Variants in ADAMTSL1 observed in about 807,000 individuals in gnomAD.
ADAMTSL1 encodes the protein ADAMTS like 1.
A neutral mutation model predicts 201.8 loss-of-function variants in ADAMTSL1; 126 were observed. The ratio of observed to expected loss-of-function variants is 0.62; its 90% CI spans 0.54 to 0.72. ADAMTSL1 has a LOEUF of 0.72. Among genes scored for constraint, ADAMTSL1 ranks in the 30% least tolerant of loss-of-function variants. ADAMTSL1 has a pLI of 0.00. For missense variants in ADAMTSL1, 2,679 were observed against 2,277.8 expected (o/e 1.18, Z -3.59); for synonymous variants, 1,121 against 903.4 (o/e 1.24, Z -4.32).
intron 2 of ADAMTSL1, among the ~76,000 whole-genome samples, chr9:18,531,460 T>C (rs916174655): frequency 6.6e-6 from 1 of 152,332 alleles, no homozygotes; most frequent in Middle Eastern, 3.4e-3. Context: ...CACACATGTG[T>C]CTTTGTCATG....
intron 16 of ADAMTSL1, among the ~76,000 whole-genome samples, chr9:18,757,940 C>G (rs1819865474): frequency 6.6e-6 from 1 of 152,226 alleles, no homozygotes; most frequent in African/African-American, 2.4e-5. Flanking sequence ...GCATCACTTT[C>G]TCTGTGTTCA....
chr9:17,976,849 G>A (rs1369623842), intron 1 of ADAMTSL1, among the ~76,000 whole-genome samples: 5 of 151,400 alleles, frequency 3.3e-5, no homozygotes, highest in East Asian at 1.9e-4. Flanking sequence ...CTAGTTGCTC[G>A]GGCTATGACT....
At chr9:18,414,102 T>C (rs1287223106) in intron 2 of ADAMTSL1, among the ~76,000 whole-genome samples, 4 of 152,220 alleles carry the variant, frequency 2.6e-5, no homozygotes, top group African/African-American at 9.6e-5. Flanking sequence ...TTCTCTACAG[T>C]TGACTATTCA....
At chr9:18,422,592 G>A (rs1819008909) in intron 2 of ADAMTSL1, among the ~76,000 whole-genome samples, 1 of 152,104 alleles carries the variant, frequency 6.6e-6, no homozygotes, top group Admixed American at 6.6e-5. Context: ...GTGTGCCCCT[G>A]CATGCCTCCG....
chr9:18,532,999 A>G (rs1229838584), intron 2 of ADAMTSL1, among the ~76,000 whole-genome samples: 1 of 152,016 alleles, frequency 6.6e-6, no homozygotes. Context: ...TATGCACTAA[A>G]TACTTATTTT....
intron 21 of ADAMTSL1, among the ~76,000 whole-genome samples, chr9:18,819,343 C>G (rs958828442): frequency 2.6e-5 from 4 of 151,862 alleles, no homozygotes; most frequent in Admixed American, 6.6e-5. Context: ...GTAATCACAG[C>G]TACTCAGGAG....
At chr9:18,623,615 A>G (rs760304078) in intron 5 of ADAMTSL1, among the ~76,000 whole-genome samples, 2 of 152,218 alleles carry the variant, frequency 1.3e-5, no homozygotes, top group Non-Finnish European at 2.9e-5. Flanking sequence ...CATGGTACCT[A>G]CGCCAAAAAT....
At chr9:18,582,863 T>TAAATAAAATA (rs1554709597) in intron 4 of ADAMTSL1, among the ~76,000 whole-genome samples, 2 of 147,826 alleles carry the variant, frequency 1.4e-5, no homozygotes, top group African/African-American at 5.0e-5. Context: ...TAAAATAAAA[T>TAAATAAAATA]AAATAAAATA....
In ADAMTSL1 at chr9:18,206,392, G is replaced by A. The variant is rs1219560887; in HGVS notation, c.207+42411G>A. ...GTCTGCTGCTCCCAGGTCCTGCGTT[G>A]CCCTCTCCCTATCTCAAATTTCCTT... On this transcript the variant is annotated intron_variant, in intron 2 of 29. Transcript: ENST00000680146. 2.6e-5 allele frequency among the ~76,000 whole-genome samples: 4 copies of A among 152,200 alleles called. No individual in the cohort carries two copies. In the East Asian group the frequency reaches 7.8e-4, roughly 30 times the overall value.
At chr9:18,732,583 G>A (rs929798694) in intron 15 of ADAMTSL1, among the ~76,000 whole-genome samples, 1 of 152,292 alleles carries the variant, frequency 6.6e-6, no homozygotes, top group East Asian at 1.9e-4. Context: ...GCTGTGTCCC[G>A]ATGGCCAGAA....
intron 2 of ADAMTSL1, among the ~76,000 whole-genome samples, chr9:18,424,717 C>G (rs1417043081): frequency 2.0e-5 from 3 of 152,174 alleles, no homozygotes; most frequent in African/African-American, 7.2e-5. Flanking sequence ...CTGGTAGTTA[C>G]TTTCATGGAG....
intron 1 of ADAMTSL1, among the ~76,000 whole-genome samples, chr9:18,498,632 G>C (rs1053427131): frequency 1.3e-5 from 2 of 152,038 alleles, no homozygotes; most frequent in Non-Finnish European, 2.9e-5. Flanking sequence ...CCCGGCCAAT[G>C]TTCCCATTTT....
chr9:18,747,916 G>T (rs1414763269), intron 15 of ADAMTSL1, among the ~76,000 whole-genome samples: 1 of 152,176 alleles, frequency 6.6e-6, no homozygotes, highest in Admixed American at 6.5e-5. Context: ...TTAAAATCCA[G>T]TTAAAGTGAC....
chr9:18,884,792 C>A (rs536578186), intron 23 of ADAMTSL1, among the ~76,000 whole-genome samples: 1 of 152,292 alleles, frequency 6.6e-6, no homozygotes, highest in African/African-American at 2.4e-5. Flanking sequence ...GTTTTGATTA[C>A]TATCACTTTG....
intron 1 of ADAMTSL1, among the ~76,000 whole-genome samples, chr9:18,090,217 A>G (rs2131810854): frequency 6.6e-6 from 1 of 152,282 alleles, no homozygotes; most frequent in East Asian, 1.9e-4. Context: ...TAAATGTAGA[A>G]TTACCATGTG....
At chr9:18,453,042 C>G (rs895729110) in intron 2 of ADAMTSL1, among the ~76,000 whole-genome samples, 9 of 152,242 alleles carry the variant, frequency 5.9e-5, no homozygotes, top group Non-Finnish European at 1.0e-4. Context: ...AGCCCCCAGG[C>G]TGTCCATGAC....
intron 13 of ADAMTSL1, 157 bp from the exon 14 acceptor site, chr9:18,706,590 A>C (rs1353217635): frequency 1.4e-6 from 1 of 709,130 alleles, no homozygotes; most frequent in East Asian, 2.7e-5. Flanking sequence ...CTTATGAACT[A>C]AACTGAAGCG....
chr9:18,843,306 C>G (rs565562520), intron 23 of ADAMTSL1, among the ~76,000 whole-genome samples: 1 of 150,748 alleles, frequency 6.6e-6, no homozygotes, highest in African/African-American at 2.5e-5. Context: ...CTTAGTTTGC[C>G]TGGATATAAA....
chr9:18,743,391 C>G (rs1018478778), intron 15 of ADAMTSL1, among the ~76,000 whole-genome samples: 14 of 152,044 alleles, frequency 9.2e-5, no homozygotes, highest in Non-Finnish European at 1.8e-4. Flanking sequence ...CTGCAAGTGC[C>G]ATTTTTTTCA....
Sources: gnomAD v4.1 joint callset for allele counts (sites outside exome capture counted in the v4.1 genomes callset) on GRCh38, gnomAD v4.1.1 for gene constraint, MANE v1.5 for transcripts, NCBI Gene and HGNC (gene_info 2026-07-23, HGNC 2026-07-21) for gene names.